The following CHTF18 variants were observed in gnomAD, a reference collection of about 807,000 sequenced individuals.
The protein encoded by CHTF18 is chromosome transmission fidelity protein 18 homolog.
CHTF18 carries 151 observed loss-of-function variants against 113.4 expected under a neutral mutation model. The observed-to-expected ratio is 1.33, with a 90% CI of 1.17 to 1.52. The LOEUF is 1.52. Among genes scored for constraint, CHTF18 ranks in the 40% most tolerant of loss-of-function variants. The pLI, the probability that CHTF18 is intolerant of heterozygous loss-of-function variation, is 0.00. For missense variants in CHTF18, 1,982 were observed against 1,381.6 expected (o/e 1.43, Z -6.89); for synonymous variants, 916 against 598.8 (o/e 1.53, Z -7.74).
intron 14 of CHTF18, 138 bp downstream of exon 14, chr16:793,412 G>A (rs926024227): frequency 6.9e-6 from 8 of 1,153,972 alleles, no homozygotes; most frequent in Non-Finnish European, 9.6e-6. Context: ...CCAGCCTCCA[G>A]GGCCCTCCTC....
Position 790,600 on chromosome 16 carries a change from C to T in CHTF18, c.828C>T (p.Ala276=), listed in dbSNP as rs201775773. The T allele has an allele frequency of 2.8e-4, 454 of 1,596,928 alleles. 1 individual carries two copies. Among genetic ancestry groups the T allele is most frequent in the African/African-American group, 1.6e-3 (123 of 74,600 alleles). ...PEEEPTDGQD[A]SSHCLWVDEF... is the part of the protein sequence containing the mutation. The stretch of plus-strand genomic sequence containing the variant: ...AGGAGCCGACTGACGGTCAAGACGC[C>T]TCCAGTCACTGCCTCTGGGTGGATG... The change falls in exon 7 of 22, where the codon GCC becomes GCT. Residue 276 remains alanine, a synonymous_variant. Transcript: ENST00000262315.
At position 789,203 on chromosome 16, in the gene CHTF18, C is replaced by T. The variant is rs752288005; in HGVS notation, c.287-7C>T. On this transcript the variant is annotated splice_polypyrimidine_tract_variant and splice_region_variant and intron_variant, in intron 2 of 21. Transcript: ENST00000262315. Reference sequence around the variant, plus strand: ...GGCCTCTGGTTCCCTGCATGTGTCTCCCCCAGCCCCCAGGATCAAACGGCC... The same window carrying T: ...GGCCTCTGGTTCCCTGCATGTGTCTTCCCCAGCCCCCAGGATCAAACGGCC... 4 of 1,550,458 alleles carry T rather than the reference C, an allele frequency of 2.6e-6. No individual in the cohort carries two copies. Among genetic ancestry groups the T allele is most frequent in the African/African-American group, 1.4e-5 (1 of 73,050 alleles).
At chr16:791,013 G>T (rs1438829039) in intron 7 of CHTF18, 148 bp from the exon 8 acceptor site, 1 of 1,472,266 alleles carries the variant, frequency 6.8e-7, no homozygotes. Flanking sequence ...TGTGAGCCTT[G>T]CGGTCACTCG....
At chr16:792,889 C>T (rs144652204) in intron 12 of CHTF18, 77 bp from the exon 13 acceptor site, 25 of 1,529,886 alleles carry the variant, frequency 1.6e-5, no homozygotes, top group African/African-American at 5.5e-5. Flanking sequence ...GTTTCCCTGC[C>T]CCTCCCCATG....
Position 789,277 on chromosome 16 carries a change from G to A in CHTF18, c.354G>A (p.Glu118=). ...KRLNFRSEEM[E]EPPPPDSSPT... ...TGAACTTCAGATCGGAGGAGATGGAGGAGCCGCCCCCTCCCGACTCCTCGC... is the reference window on the plus strand; with the variant it reads ...TGAACTTCAGATCGGAGGAGATGGAAGAGCCGCCCCCTCCCGACTCCTCGC... The change falls in exon 3 of 22, where the codon GAG becomes GAA. Residue 118 remains glutamate, a synonymous_variant. Coordinates refer to ENST00000262315, the MANE Select transcript of CHTF18 (RefSeq NM_022092.3). The A allele has an allele frequency of 3.8e-6, 6 of 1,575,780 alleles. No homozygotes were observed. Among genetic ancestry groups the A allele is most frequent in the Non-Finnish European group, 4.3e-6 (5 of 1,162,090 alleles).
chr16:791,078 A>T, intron 7 of CHTF18, 83 bp from the exon 8 acceptor site: 2 of 1,525,144 alleles, frequency 1.3e-6, no homozygotes, highest in Non-Finnish European at 1.8e-6. Context: ...CCCATGGGGC[A>T]TGGGGCTCAT....
Position 788,976 on chromosome 16 carries a change from G to C in CHTF18, c.137G>C (p.Gly46Ala), listed in dbSNP as rs771446911. 8.9e-6 allele frequency: 14 copies of C among 1,565,150 alleles called. No individual in the cohort carries two copies. The highest frequency in any genetic ancestry group is 1.2e-5 in the Non-Finnish European group (14 of 1,162,658). ...TCCGGGGTCCCCCTGTTCACCGCGG[G>C]CCGACCCCCGCGGACGTTCGAGGAG... ...SPSGVPLFTAGRPPRTFEEAL... is the reference protein window; with the variant it reads ...SPSGVPLFTAARPPRTFEEAL... The change falls in exon 2 of 22, where the codon GGC becomes GCC. Residue 46 changes from glycine (G) to alanine (A), a missense_variant. By Grantham distance (60) the Gly-to-Ala change is moderately conservative (BLOSUM62 0). Coordinates refer to ENST00000262315, the MANE Select transcript of CHTF18 (RefSeq NM_022092.3).
At position 796,021 on chromosome 16, in the gene CHTF18, C is replaced by T. The variant is rs774625847; in HGVS notation, c.2400C>T (p.Ser800=). ...ASLVGTMLAY[S]LTYRQERTPD... The stretch of plus-strand genomic sequence containing the variant: ...TGGTGGGCACGATGCTCGCTTACAG[C>T]CTGACCTACCGCCAGGAGCGCACGC... The change falls in exon 18 of 22, where the codon AGC becomes AGT. Residue 800 remains serine, a synonymous_variant. Transcript: ENST00000262315. 1.9e-6 allele frequency: 3 copies of T among 1,606,602 alleles called. No individual in the cohort carries two copies. The South Asian group carries it at 3.3e-5, about 18-fold the overall frequency.
At position 793,221 on chromosome 16, in the gene CHTF18, C is replaced by T. The variant is rs539165346; in HGVS notation, c.1749C>T (p.Arg583=). The change falls in exon 14 of 22, where the codon CGC becomes CGT. Residue 583 remains arginine (R), a synonymous_variant. Coordinates refer to ENST00000262315, the MANE Select transcript of CHTF18 (RefSeq NM_022092.3). ...QATRVGLKDQ[R]RGLFSVWQEV... ...CACGCGTGGGCCTCAAGGACCAGCG[C>T]AGAGGGCTCTTCTCGGTGTGGCAGG... 560 of 1,609,654 alleles carry T rather than the reference C, an allele frequency of 3.5e-4. 9 individuals are homozygous for T. The South Asian group carries it at 5.8e-3, about 17-fold the overall frequency.
At position 789,307 on chromosome 16, in the gene CHTF18, G is replaced by A. The variant is rs761533160; in HGVS notation, c.384G>A (p.Thr128=). The A allele has an allele frequency of 1.9e-6, 3 of 1,600,206 alleles. No individual in the cohort carries two copies. Among genetic ancestry groups the A allele is most frequent in the East Asian group, 2.3e-5 (1 of 44,146 alleles). The change falls in exon 3 of 22, where the codon ACG becomes ACA. Residue 128 remains threonine, a synonymous_variant. Coordinates refer to ENST00000262315, the MANE Select transcript of CHTF18 (RefSeq NM_022092.3). The stretch of plus-strand genomic sequence containing the variant: ...CGCCCCCTCCCGACTCCTCGCCGAC[G>A]GACATCACCCCGCCGCCGAGCCCTG... The part of the protein sequence containing the change: ...EEPPPPDSSP[T]DITPPPSPED...
intron 15 of CHTF18, 77 bp downstream of exon 15, chr16:794,278 C>T (rs1391400883): frequency 2.0e-6 from 3 of 1,532,924 alleles, no homozygotes; most frequent in Non-Finnish European, 2.7e-6. Context: ...CCTGCCGGTC[C>T]TCCCGTATGG....
rs749610903 is a variant in CHTF18, at chr16:790,235, C to T, written c.665C>T (p.Ser222Phe). ...GGCCAGCTGGACCTGCTGGGTGTGTCCTTAGCCTCCCTGAAGAAGCAGGTC... is the reference window on the plus strand; with the variant it reads ...GGCCAGCTGGACCTGCTGGGTGTGTTCTTAGCCTCCCTGAAGAAGCAGGTC... ...GGGQLDLLGV[S>F]LASLKKQVDG... is the part of the protein sequence containing the mutation. Residue 222 changes from serine (S) to phenylalanine (F), a missense_variant, in exon 5 of 22, where the codon TCC becomes TTC. Physicochemically the swap from Ser to Phe is radical, Grantham distance 155. Transcript: ENST00000262315. 65 of 1,606,410 alleles carry T rather than the reference C, an allele frequency of 4.0e-5. No homozygotes were observed. Among genetic ancestry groups the T allele is most frequent in the Non-Finnish European group, 5.4e-5 (63 of 1,177,410 alleles).
chr16:790,710 C>T (rs763668210), intron 7 of CHTF18, 44 bp downstream of exon 7: 28 of 1,487,928 alleles, frequency 1.9e-5, no homozygotes, highest in Non-Finnish European at 2.4e-5. Flanking sequence ...TTCCTCTGTT[C>T]CCAAGATGGA....
At chr16:789,737 G>T (rs1165774198) in intron 4 of CHTF18, 22 bp downstream of exon 4, 2 of 1,562,386 alleles carry the variant, frequency 1.3e-6, no homozygotes, top group Non-Finnish European at 8.6e-7. Context: ...TGGCCTTCCT[G>T]CACGGTGGGT....
At chr16:796,198 C>A in intron 18 of CHTF18, 121 bp downstream of exon 18, 3 of 1,313,858 alleles carry the variant, frequency 2.3e-6, no homozygotes, top group Non-Finnish European at 3.1e-6. Flanking sequence ...GGGTGGCGGG[C>A]CCCAGCTTAT....
Position 797,706 on chromosome 16 carries a change from T to G in CHTF18, c.2746T>G (p.Phe916Val). Residue 916 changes from phenylalanine (F) to valine (V), a missense_variant, in exon 21 of 22, where the codon TTC becomes GTC. Coordinates refer to ENST00000262315, the MANE Select transcript of CHTF18 (RefSeq NM_022092.3). ...TTCCTCCCATCAGCCTGAGAAGGACTTCTTTGGACGTGTGGTCGTCAGGAG... is the reference window on the plus strand; with the variant it reads ...TTCCTCCCATCAGCCTGAGAAGGACGTCTTTGGACGTGTGGTCGTCAGGAG... ...AAREEQPEKD[F>V]FGRVVVRSTA... The G allele has an allele frequency of 6.2e-7, 1 of 1,611,808 alleles. No homozygotes were observed. Among genetic ancestry groups the G allele is most frequent in the Non-Finnish European group, 8.5e-7 (1 of 1,179,630 alleles).
At position 789,655 on chromosome 16, in the gene CHTF18, C is replaced by T. The variant is rs2042116525; in HGVS notation, c.546C>T (p.Ser182=). ...TGGAGGACTACGTCCACGTGACATCCACGGAGGGCGTCCGGGCTTATCTGG... is the reference window on the plus strand; with the variant it reads ...TGGAGGACTACGTCCACGTGACATCTACGGAGGGCGTCCGGGCTTATCTGG... ...PILEDYVHVT[S]TEGVRAYLVL... is the part of the protein sequence containing the mutation. The change falls in exon 4 of 22, where the codon TCC becomes TCT. Residue 182 remains serine, a synonymous_variant. Coordinates refer to ENST00000262315, the MANE Select transcript of CHTF18 (RefSeq NM_022092.3). The T allele has an allele frequency of 1.1e-5, 17 of 1,605,290 alleles. No homozygotes were observed. Among genetic ancestry groups the T allele is most frequent in the Non-Finnish European group, 1.4e-5 (16 of 1,179,714 alleles).
chr16:790,509 A>G lies in CHTF18; in HGVS notation c.753-16A>G. On this transcript the variant is annotated splice_polypyrimidine_tract_variant and intron_variant, in intron 6 of 21. Coordinates refer to ENST00000262315, the MANE Select transcript of CHTF18 (RefSeq NM_022092.3). ...CCCTGCGAGTTGTTTGTGGCTCAGG[A>G]CGTGGTCCTCTCCAGTCTCAGGTCG... The G allele has an allele frequency of 6.2e-7, 1 of 1,604,278 alleles. No individual in the cohort carries two copies. Among genetic ancestry groups the G allele is most frequent in the Non-Finnish European group, 8.5e-7 (1 of 1,176,178 alleles).
Position 788,921 on chromosome 16 carries a change from C to A in CHTF18, c.92-10C>A. 1 of 1,534,916 alleles carries A rather than the reference C, an allele frequency of 6.5e-7. No individual in the cohort carries two copies. The highest frequency in any genetic ancestry group is 1.2e-5 in the South Asian group (1 of 83,154). The stretch of plus-strand genomic sequence containing the variant: ...TCGGGGCGGCCGCTGACAATCTCCT[C>A]TCCCAGCAGGGGCGTCGACTCCGTC... On this transcript the variant is annotated splice_polypyrimidine_tract_variant and intron_variant, in intron 1 of 21. Coordinates refer to ENST00000262315, the MANE Select transcript of CHTF18 (RefSeq NM_022092.3).
Sources: gnomAD v4.1 joint callset for allele counts on GRCh38, gnomAD v4.1.1 for gene constraint, MANE v1.5 for transcripts, NCBI Gene and HGNC (gene_info 2026-07-23, HGNC 2026-07-21) for gene names.